Variants in CEMIP observed in about 807,000 individuals in gnomAD.
CEMIP encodes cell migration-inducing and hyaluronan-binding protein.
A neutral mutation model predicts 156.9 loss-of-function variants in CEMIP; 105 were observed. That is an observed-to-expected ratio of 0.67 (90% CI 0.57 to 0.79). The LOEUF is 0.79. Among genes scored for constraint, CEMIP ranks in the 30% least tolerant of loss-of-function variants. CEMIP has a pLI of 0.00. For synonymous variants in CEMIP, 676 were observed against 668.4 expected (o/e 1.01, Z -0.17); for missense variants, 1,457 against 1,769.4 (o/e 0.82, Z 3.17).
At chr15:80,833,368 C>T (rs1282379048) in intron 1 of CEMIP, among the ~76,000 whole-genome samples, 1 of 152,046 alleles carries the variant, frequency 6.6e-6, no homozygotes, top group Non-Finnish European at 1.5e-5. Flanking sequence ...CCACTCTAGG[C>T]TTTCCATATC....
At chr15:80,940,090 T>C (rs1350810001) in intron 25 of CEMIP, among the ~76,000 whole-genome samples, 2 of 152,232 alleles carry the variant, frequency 1.3e-5, no homozygotes, top group African/African-American at 2.4e-5. Flanking sequence ...TACTAAATTA[T>C]AAACAAGTAC....
rs1179115267 is a variant in CEMIP, at chr15:80,921,014, T to C, written c.2004-18T>C. The C allele has an allele frequency of 6.2e-7, 1 of 1,613,180 alleles. No homozygotes were observed. The highest frequency in any genetic ancestry group is 1.7e-5 in the Admixed American group (1 of 59,996). On this transcript the variant is annotated intron_variant, in intron 15 of 29. Coordinates refer to ENST00000394685, the MANE Select transcript of CEMIP (RefSeq NM_001293298.2). ...GCGGCCCTTTATCTGATCTCAGGTA[T>C]CTCTGCCCTCCCTGCAGTGCTGTGT...
At chr15:80,911,383 G>T (rs1446129654) in intron 14 of CEMIP, among the ~76,000 whole-genome samples, 1 of 152,162 alleles carries the variant, frequency 6.6e-6, no homozygotes, top group African/African-American at 2.4e-5. Context: ...AAGCATTTTT[G>T]TTGAAGTTCT....
chr15:80,924,557 T>G, intron 17 of CEMIP, 64 bp from the exon 18 acceptor site: 2 of 1,417,704 alleles, frequency 1.4e-6, no homozygotes, highest in East Asian at 2.3e-5. Context: ...TGAGGCTGAC[T>G]GTGAGACGAT....
In CEMIP at chr15:80,896,352, T is replaced by C. The variant is rs186280395; in HGVS notation, c.1411+292T>C. ...AAACATATTCTTCTCACGGGGGAGA[T>C]TGCAAACTCCTAGTGGTGAGCAGAA... On this transcript the variant is annotated intron_variant, in intron 12 of 29. Transcript: ENST00000394685. 1,497 of 560,746 alleles carry C rather than the reference T, an allele frequency of 2.7e-3. 8 individuals carry two copies. The highest frequency in any genetic ancestry group is 0.017 in the African/African-American group (897 of 54,008). The allele number at this position is 560,746 out of a possible 1,614,324, so 34.7% of individuals were successfully genotyped here.
chr15:80,865,152 A>G (rs184043144), intron 1 of CEMIP, among the ~76,000 whole-genome samples: 3 of 152,260 alleles, frequency 2.0e-5, no homozygotes, highest in Admixed American at 2.0e-4. Context: ...AAATGTACCT[A>G]GTGCAACTGA....
chr15:80,893,834 C>CTTT (rs1210932013), intron 10 of CEMIP, among the ~76,000 whole-genome samples: 3 of 142,924 alleles, frequency 2.1e-5, no homozygotes, highest in Non-Finnish European at 3.1e-5. Flanking sequence ...AAAGTCTCCT[C>CTTT]TTTTTTTTTT....
At chr15:80,880,295 T>C (rs1417134015) in intron 5 of CEMIP, among the ~76,000 whole-genome samples, 1 of 152,164 alleles carries the variant, frequency 6.6e-6, no homozygotes, top group Non-Finnish European at 1.5e-5. Context: ...ATTCCACATC[T>C]GATATGGACA....
chr15:80,803,561 T>C (rs955214531), intron 1 of CEMIP, among the ~76,000 whole-genome samples: 1 of 152,204 alleles, frequency 6.6e-6, no homozygotes, highest in East Asian at 1.9e-4. Flanking sequence ...ACAATGATGA[T>C]GCTGATGGCC....
At chr15:80,789,271 T>C (rs1896020568) in intron 1 of CEMIP, among the ~76,000 whole-genome samples, 1 of 152,186 alleles carries the variant, frequency 6.6e-6, no homozygotes. Context: ...GGTGTGGGGC[T>C]TCCAGAGAAA....
At chr15:80,784,066 C>T (rs1895865333) in intron 1 of CEMIP, among the ~76,000 whole-genome samples, 1 of 152,202 alleles carries the variant, frequency 6.6e-6, no homozygotes, top group Admixed American at 6.5e-5. Flanking sequence ...TGCACAGGCA[C>T]CTGCTCAGAG....
chr15:80,940,590 C>T lies in CEMIP; in HGVS notation c.3408-1259C>T, dbSNP rs552248647. On this transcript the variant is annotated intron_variant, in intron 25 of 29. Transcript: ENST00000394685. ...GCTGCTCTGCTCTCAGCCCTGAGCA[C>T]GAGGCCTCTGTAACAGTCAGTTTCT... Among the ~76,000 whole-genome samples, 47 of 152,298 alleles carry T rather than the reference C, an allele frequency of 3.1e-4. 1 individual carries two copies. Among genetic ancestry groups the T allele is most frequent in the Non-Finnish European group, 5.3e-4 (36 of 68,026 alleles).
At chr15:80,891,072 G>C (rs1180796218) in intron 10 of CEMIP, among the ~76,000 whole-genome samples, 1 of 152,104 alleles carries the variant, frequency 6.6e-6, no homozygotes, top group Non-Finnish European at 1.5e-5. Flanking sequence ...TTCTGAAATA[G>C]CCATAATCTT....
chr15:80,921,218 C>G, intron 16 of CEMIP, 117 bp downstream of exon 16: 1 of 954,984 alleles, frequency 1.0e-6, no homozygotes. Flanking sequence ...GATATCCATG[C>G]AGACGGGCTT....
At chr15:80,942,199 G>C (rs148293649) in intron 26 of CEMIP, 52 bp from the exon 27 acceptor site, 1 of 1,529,046 alleles carries the variant, frequency 6.5e-7, no homozygotes, top group Non-Finnish European at 9.1e-7. Flanking sequence ...GGAAGAGGAG[G>C]GGAATGACTA....
chr15:80,833,013 G>A (rs1897190623), intron 1 of CEMIP, among the ~76,000 whole-genome samples: 2 of 152,156 alleles, frequency 1.3e-5, no homozygotes, highest in Non-Finnish European at 2.9e-5. Flanking sequence ...CACAGAGAGA[G>A]AGAGAGACCC....
At chr15:80,925,559 A>C in intron 18 of CEMIP, 65 bp from the exon 19 acceptor site, 1 of 1,598,576 alleles carries the variant, frequency 6.3e-7, no homozygotes, top group Non-Finnish European at 8.5e-7. Flanking sequence ...CAGAGCCCAG[A>C]AGGGAGTCAG....
chr15:80,806,182 A>G (rs926398572), intron 1 of CEMIP, among the ~76,000 whole-genome samples: 1 of 152,204 alleles, frequency 6.6e-6, no homozygotes, highest in African/African-American at 2.4e-5. Context: ...TCATGTGATG[A>G]CTCAGTTCTT....
chr15:80,888,903 T>A, intron 9 of CEMIP, 107 bp downstream of exon 9: 1 of 1,051,110 alleles, frequency 9.5e-7, no homozygotes, highest in Non-Finnish European at 1.5e-6. Context: ...AGGACCACTT[T>A]AATTTTTGCA....
Sources: allele counts gnomAD v4.1 joint callset (sites outside exome capture counted in the v4.1 genomes callset), GRCh38; gene constraint gnomAD v4.1.1; transcripts MANE v1.5; gene names NCBI Gene and HGNC (gene_info 2026-07-23, HGNC 2026-07-21).